RGL1: variants seen among roughly 807,000 people sequenced by gnomAD.
RGL1 encodes ral guanine nucleotide dissociation stimulator like 1.
A neutral mutation model predicts 95.2 loss-of-function variants in RGL1; 24 were observed. That is an observed-to-expected ratio of 0.25 (90% confidence interval 0.18 to 0.35). The LOEUF (loss-of-function observed/expected upper bound fraction) is 0.35. Ranked by LOEUF, RGL1 falls within the 10% of genes least tolerant of loss-of-function variation. The probability of loss-of-function intolerance (pLI) is 1.00; values close to 1 mark genes in which losing one functional copy is unlikely to be tolerated. For synonymous variants in RGL1, 329 were observed against 344.9 expected (o/e 0.95, Z 0.51); for missense variants, 715 against 936.3 (o/e 0.76, Z 3.08).
chr1:183,838,506 C>A (rs1186073113), intron 2 of RGL1, among the ~76,000 whole-genome samples: 1 of 152,212 alleles, frequency 6.6e-6, no homozygotes, highest in Non-Finnish European at 1.5e-5. Context: ...TTCATTCTAA[C>A]AAGTGGCTTC....
At chr1:183,768,280 G>A (rs766924950) in intron 2 of RGL1, among the ~76,000 whole-genome samples, 45 of 151,622 alleles carry the variant, frequency 3.0e-4, no homozygotes, top group South Asian at 6.3e-4. Flanking sequence ...AAAATTTACC[G>A]TTCCAAGATT....
intron 2 of RGL1, among the ~76,000 whole-genome samples, chr1:183,794,250 A>G (rs1660586078): frequency 6.6e-6 from 1 of 152,204 alleles, no homozygotes; most frequent in Non-Finnish European, 1.5e-5. Context: ...AATCTCATGG[A>G]AAAGAATAGA....
chr1:183,908,057 T>C (rs1241650929), intron 14 of RGL1, among the ~76,000 whole-genome samples: 1 of 152,192 alleles, frequency 6.6e-6, no homozygotes, highest in East Asian at 1.9e-4. Flanking sequence ...TACACACATA[T>C]ATATATACAC....
chr1:183,653,793 A>G (rs1650944061), intron 1 of RGL1, among the ~76,000 whole-genome samples: 1 of 152,148 alleles, frequency 6.6e-6, no homozygotes, highest in Non-Finnish European at 1.5e-5. Context: ...CCTCCAGTTT[A>G]AGACAAGATT....
At chr1:183,643,712 A>G (rs1288990649) in intron 1 of RGL1, among the ~76,000 whole-genome samples, 2 of 152,122 alleles carry the variant, frequency 1.3e-5, no homozygotes. Flanking sequence ...CAGCCTCCCA[A>G]AGTGCTAGGA....
chr1:183,869,467 C>T (rs1310658642), intron 4 of RGL1, among the ~76,000 whole-genome samples: 2 of 152,166 alleles, frequency 1.3e-5, no homozygotes, highest in African/African-American at 2.4e-5. Flanking sequence ...CCCTTTTGCT[C>T]AGACTGAGTT....
intron 1 of RGL1, among the ~76,000 whole-genome samples, chr1:183,673,067 A>G (rs866249686): frequency 3.3e-5 from 5 of 152,196 alleles, no homozygotes; most frequent in South Asian, 4.1e-4. Flanking sequence ...ATTTTCCTGC[A>G]TATTAGATTA....
intron 4 of RGL1, among the ~76,000 whole-genome samples, chr1:183,870,036 C>A (rs900939426): frequency 3.3e-5 from 5 of 152,198 alleles, no homozygotes; most frequent in Admixed American, 2.6e-4. Context: ...AACGTCCTAG[C>A]ATGTGAAAGT....
chr1:183,828,453 C>A (rs1473210614), intron 2 of RGL1, among the ~76,000 whole-genome samples: 1 of 152,080 alleles, frequency 6.6e-6, no homozygotes, highest in East Asian at 1.9e-4. Flanking sequence ...GAGGGCAGCA[C>A]GTGGGGATGT....
chr1:183,784,310 G>A (rs1660045203), intron 2 of RGL1, among the ~76,000 whole-genome samples: 1 of 152,216 alleles, frequency 6.6e-6, no homozygotes, highest in African/African-American at 2.4e-5. Context: ...GGAAATACAG[G>A]AACAGGTGGC....
intron 2 of RGL1, among the ~76,000 whole-genome samples, chr1:183,776,141 ATTTTTTTTTTT>A (rs66738956): frequency 1.1e-5 from 1 of 88,802 alleles, no homozygotes; most frequent in Non-Finnish European, 2.1e-5. Context: ...GGGAATACAG[ATTTTTTTTTTT>A]TTTTTTTTTT....
At chr1:183,829,383 A>G (rs1663099429) in intron 2 of RGL1, among the ~76,000 whole-genome samples, 1 of 151,892 alleles carries the variant, frequency 6.6e-6, no homozygotes, top group Admixed American at 6.6e-5. Flanking sequence ...TGGAGGTTGC[A>G]TGAACCATGA....
chr1:183,755,000 T>G (rs1033361172), intron 2 of RGL1: 1 of 152,022 alleles, frequency 6.6e-6, no homozygotes, highest in Non-Finnish European at 1.5e-5. Context: ...AGTTTTTGTT[T>G]GTTTGTTTGT....
chr1:183,748,838 T>A (rs1657818407), intron 2 of RGL1, among the ~76,000 whole-genome samples: 1 of 152,222 alleles, frequency 6.6e-6, no homozygotes, highest in African/African-American at 2.4e-5. Context: ...CTCACTGGTT[T>A]CAAAGGACTT....
chr1:183,894,296 G>A (rs1473453661), intron 9 of RGL1, among the ~76,000 whole-genome samples: 1 of 152,200 alleles, frequency 6.6e-6, no homozygotes, highest in Non-Finnish European at 1.5e-5. Flanking sequence ...TAGAAGTGAA[G>A]CTGTATCTAG....
chr1:183,667,916 T>C (rs1652153824), intron 1 of RGL1, among the ~76,000 whole-genome samples: 1 of 151,176 alleles, frequency 6.6e-6, no homozygotes, highest in Admixed American at 6.6e-5. Flanking sequence ...CTTCAGGTAG[T>C]ACAAGTACTA....
At chr1:183,671,211 T>C (rs942058411) in intron 1 of RGL1, among the ~76,000 whole-genome samples, 2 of 152,176 alleles carry the variant, frequency 1.3e-5, no homozygotes, top group Non-Finnish European at 2.9e-5. Context: ...CCTTGACATG[T>C]AGAAATTATG....
intron 11 of RGL1, 26 bp downstream of exon 11, chr1:183,900,262 C>T (rs371491560): frequency 1.1e-5 from 18 of 1,582,496 alleles, no homozygotes; most frequent in African/African-American, 1.1e-4. Context: ...GTGGTGTGAT[C>T]GGGCCTGCAG....
intron 2 of RGL1, among the ~76,000 whole-genome samples, chr1:183,815,657 C>T (rs552341539): frequency 2.2e-4 from 33 of 152,296 alleles, no homozygotes; most frequent in African/African-American, 7.7e-4. Flanking sequence ...AAACTCACCT[C>T]TACCACATGT....
Sources: allele counts gnomAD v4.1 joint callset (sites outside exome capture counted in the v4.1 genomes callset), GRCh38; gene constraint gnomAD v4.1.1; transcripts MANE v1.5; gene names NCBI Gene and HGNC (gene_info 2026-07-23, HGNC 2026-07-21).